SVOP: variants seen among roughly 807,000 people sequenced by gnomAD.
SVOP encodes synaptic vesicle 2-related protein.
In SVOP, 17 loss-of-function variants were observed where a neutral mutation model predicts 69.1. The ratio of observed to expected loss-of-function variants is 0.25; its 90% CI spans 0.17 to 0.37. The LOEUF (loss-of-function observed/expected upper bound fraction) is 0.37, where lower values mean the gene tolerates loss of function less well. Ranked by LOEUF, SVOP falls within the 10% of genes least tolerant of loss-of-function variation. The probability of loss-of-function intolerance (pLI) is 1.00; values close to 1 mark genes in which losing one functional copy is unlikely to be tolerated. For synonymous variants in SVOP, 238 were observed against 238.6 expected (o/e 1.00, Z 0.02); for missense variants, 435 against 597.5 (o/e 0.73, Z 2.84).
intron 2 of SVOP, 50 bp downstream of exon 2, chr12:108,983,550 GC>G (rs2040153280): frequency 2.5e-6 from 1 of 398,552 alleles, no homozygotes; most frequent in African/African-American, 2.1e-5. Flanking sequence ...TGCTGGGTAG[GC>G]AACCTTGACC....
chr12:109,020,968 C>A lies in SVOP; in HGVS notation c.-100G>T, dbSNP rs1220967602. 7.7e-6 allele frequency: 5 copies of A among 650,422 alleles called. No homozygotes were observed. The highest frequency in any genetic ancestry group is 3.7e-5 in the African/African-American group (2 of 54,296). The allele number at this position is 650,422 out of a possible 1,614,324, so 40.3% of individuals were successfully genotyped here. A position where few individuals can be genotyped will look rare whatever the true frequency, so the allele number is the denominator to read the frequency against. On this transcript the variant is annotated 5_prime_UTR_variant, in exon 1 of 16. Coordinates refer to ENST00000610966, the MANE Select transcript of SVOP (RefSeq NM_018711.5). ...CAGCACCGGGAAGCTGGACAGCACC[C>A]GCGCCGCTTCCTCCCTGGAGCAGCA... is the stretch of plus-strand genomic sequence containing the variant.
chr12:109,016,714 T>C (rs2040369501), intron 1 of SVOP, among the ~76,000 whole-genome samples: 1 of 151,170 alleles, frequency 6.6e-6, no homozygotes, highest in African/African-American at 2.4e-5. Context: ...CATCTAAAAC[T>C]AGTTTCCTTA....
At chr12:108,917,493 T>C (rs542197887) in intron 14 of SVOP, among the ~76,000 whole-genome samples, 7 of 152,354 alleles carry the variant, frequency 4.6e-5, no homozygotes, top group South Asian at 2.1e-4. Context: ...TTGGAATGTA[T>C]CTTCCCAGAT....
At chr12:108,920,483 TC>T (rs1273336581) in intron 12 of SVOP, among the ~76,000 whole-genome samples, 1 of 152,118 alleles carries the variant, frequency 6.6e-6, no homozygotes, top group African/African-American at 2.4e-5. Flanking sequence ...CTCATTTTCT[TC>T]TTCTATAAAA....
intron 5 of SVOP, among the ~76,000 whole-genome samples, chr12:108,965,291 T>A (rs1468552837): frequency 6.6e-6 from 1 of 152,200 alleles, no homozygotes; most frequent in African/African-American, 2.4e-5. Context: ...TTGCTGAAGA[T>A]CCGTAAGTGG....
At chr12:108,986,378 C>T (rs2040165892) in intron 1 of SVOP, among the ~76,000 whole-genome samples, 1 of 152,306 alleles carries the variant, frequency 6.6e-6, no homozygotes, top group African/African-American at 2.4e-5. Flanking sequence ...CCTCTTCAGA[C>T]TCTTCCATTG....
intron 5 of SVOP, among the ~76,000 whole-genome samples, 169 bp from the exon 6 acceptor site, chr12:108,961,216 A>G (rs2040016279): frequency 1.3e-5 from 2 of 152,256 alleles, no homozygotes; most frequent in Non-Finnish European, 2.9e-5. Context: ...GGGTTGGGTG[A>G]GAAAATCATG....
At chr12:108,952,023 T>C (rs1385004021) in intron 6 of SVOP, among the ~76,000 whole-genome samples, 1 of 152,078 alleles carries the variant, frequency 6.6e-6, no homozygotes, top group African/African-American at 2.4e-5. Context: ...TGACCCCTGT[T>C]CAGATGCCAT....
At chr12:108,915,440 T>C (rs2039707736) in intron 15 of SVOP, among the ~76,000 whole-genome samples, 1 of 152,192 alleles carries the variant, frequency 6.6e-6, no homozygotes, top group Non-Finnish European at 1.5e-5. Context: ...TATTTGGTTT[T>C]CTGTTCTTGC....
chr12:109,015,572 G>A (rs191270876), intron 1 of SVOP, among the ~76,000 whole-genome samples: 6 of 152,262 alleles, frequency 3.9e-5, no homozygotes, highest in Admixed American at 2.6e-4. Context: ...AGCATTTTGC[G>A]GGGCCAAGGC....
chr12:108,976,601 T>C (rs2040107492), intron 4 of SVOP, among the ~76,000 whole-genome samples: 1 of 138,484 alleles, frequency 7.2e-6, no homozygotes, highest in Non-Finnish European at 1.6e-5. Context: ...GCCATTCCTC[T>C]CTCTCTCTCT....
chr12:108,913,875 A>G (rs953695951), intron 15 of SVOP, among the ~76,000 whole-genome samples: 2 of 152,034 alleles, frequency 1.3e-5, no homozygotes, highest in African/African-American at 4.8e-5. Flanking sequence ...GGACTTGAAC[A>G]CCTGACCTCA....
At chr12:108,966,577 G>A (rs968439866) in intron 5 of SVOP, among the ~76,000 whole-genome samples, 14 of 152,124 alleles carry the variant, frequency 9.2e-5, no homozygotes, top group Admixed American at 2.6e-4. Context: ...GAATTTTGGG[G>A]AAGCTTTATA....
At chr12:108,913,552 C>A (rs1240095254) in intron 15 of SVOP, among the ~76,000 whole-genome samples, 2 of 152,186 alleles carry the variant, frequency 1.3e-5, no homozygotes, top group African/African-American at 4.8e-5. Context: ...AAGCTTGAGT[C>A]TGGGCTCCTT....
At chr12:109,002,729 A>G (rs2040279908) in intron 1 of SVOP, among the ~76,000 whole-genome samples, 1 of 149,410 alleles carries the variant, frequency 6.7e-6, no homozygotes, top group South Asian at 2.1e-4. Context: ...AACACCGCGT[A>G]TTCTCACTCA....
At position 109,019,477 on chromosome 12, in the gene SVOP, A is replaced by T. The variant is rs757432911; in HGVS notation, c.35+1357T>A. Among the ~76,000 whole-genome samples, 9 of 152,182 alleles carry T rather than the reference A, an allele frequency of 5.9e-5. No homozygotes were observed. The South Asian group carries it at 1.0e-3, about 18-fold the overall frequency. On this transcript the variant is annotated intron_variant, in intron 1 of 15. Coordinates refer to ENST00000610966, the MANE Select transcript of SVOP (RefSeq NM_018711.5). ...AATATGTAGTCTAATTCTGAGTACC[A>T]AAGTTCACATTTCTGATATTAAATT...
intron 3 of SVOP, among the ~76,000 whole-genome samples, chr12:108,977,873 T>C (rs777924459): frequency 1.3e-5 from 2 of 152,210 alleles, no homozygotes; most frequent in Non-Finnish European, 2.9e-5. Context: ...GGCTTATAGG[T>C]CATTTGTTCA....
intron 11 of SVOP, among the ~76,000 whole-genome samples, chr12:108,933,907 G>A (rs757300679): frequency 3.3e-5 from 5 of 152,056 alleles, no homozygotes; most frequent in Admixed American, 6.6e-5. Flanking sequence ...ATCGCTGTCC[G>A]CTCAGATAAA....
chr12:108,990,507 C>T (rs1366720385), intron 1 of SVOP, among the ~76,000 whole-genome samples: 6 of 91,354 alleles, frequency 6.6e-5, no homozygotes, highest in African/African-American at 1.8e-4. Context: ...CGGGACCTGT[C>T]GTGGGATAGG....
Sources: allele counts gnomAD v4.1 joint callset (sites outside exome capture counted in the v4.1 genomes callset), GRCh38; gene constraint gnomAD v4.1.1; transcripts MANE v1.5; gene names NCBI Gene and HGNC (gene_info 2026-07-23, HGNC 2026-07-21).